SYT16: variants seen among roughly 807,000 people sequenced by gnomAD.
The protein encoded by SYT16 is synaptotagmin-16.
Under a neutral mutation model 61.4 loss-of-function variants are expected in SYT16, and 42 were observed. The ratio of observed to expected loss-of-function variants is 0.68; its 90% CI spans 0.53 to 0.89. SYT16 has a LOEUF of 0.89. Among genes scored for constraint, SYT16 ranks in the 40% least tolerant of loss-of-function variants. The pLI is 0.00. For synonymous variants in SYT16, 314 were observed against 302.3 expected, an observed-to-expected ratio of 1.04 and a Z score of -0.40; for missense variants, 804 against 807.3, an observed-to-expected ratio of 1.00 and a Z score of 0.05.
intron 1 of SYT16, among the ~76,000 whole-genome samples, chr14:61,825,691 C>T (rs2045751472): frequency 6.6e-6 from 1 of 151,994 alleles, no homozygotes; most frequent in Non-Finnish European, 1.5e-5. Context: ...TTAACAGCAA[C>T]AAAGACAACA....
At chr14:62,025,345 T>C (rs1057280035) in intron 3 of SYT16, among the ~76,000 whole-genome samples, 6 of 152,136 alleles carry the variant, frequency 3.9e-5, no homozygotes, top group African/African-American at 1.4e-4. Flanking sequence ...CCCTGAATGA[T>C]GTATGAGGGT....
intron 3 of SYT16, among the ~76,000 whole-genome samples, chr14:62,046,637 G>A (rs916740875): frequency 2.0e-5 from 3 of 152,170 alleles, no homozygotes; most frequent in African/African-American, 4.8e-5. Flanking sequence ...TATATAAGGT[G>A]TAAGGAAGGG....
chr14:62,102,060 G>A lies in SYT16; in HGVS notation c.*1353G>A, dbSNP rs1424767175. Reference sequence around the variant, plus strand: ...TGTACATTTAATCCCTGCGCTCAATGTGCAGCTCTTCTGAGCAATTGCTCA... The same window carrying A: ...TGTACATTTAATCCCTGCGCTCAATATGCAGCTCTTCTGAGCAATTGCTCA... On this transcript the variant is annotated 3_prime_UTR_variant, in exon 8 of 8. Transcript: ENST00000683842. 1 of 152,212 alleles carries A rather than the reference G, an allele frequency of 6.6e-6. No individual in the cohort carries two copies. Among genetic ancestry groups the A allele is most frequent in the Admixed American group, 6.5e-5 (1 of 15,290 alleles). 9.4% of individuals were successfully genotyped at this position (152,212 alleles called of 1,614,324 possible). A position where few individuals can be genotyped will look rare whatever the true frequency, so the allele number is the denominator to read the frequency against.
chr14:62,109,315 C>A lies in SYT16; in HGVS notation c.*8608C>A, dbSNP rs894779553. On this transcript the variant is annotated 3_prime_UTR_variant, in exon 8 of 8. Transcript: ENST00000683842. ...TTTTTTTTTTTCACTTAGGGATAGT[C>A]ATGTAAGTTTTCATGTCTTTTTATG... 34 of 149,566 alleles carry A rather than the reference C, an allele frequency of 2.3e-4. No individual in the cohort carries two copies. The highest frequency in any genetic ancestry group is 4.0e-4 in the Non-Finnish European group (27 of 67,596). 9.3% of individuals were successfully genotyped at this position (149,566 alleles called of 1,614,324 possible). A position where few individuals can be genotyped will look rare whatever the true frequency, so the allele number is the denominator to read the frequency against.
At chr14:62,040,791 G>A (rs959064745) in intron 3 of SYT16, among the ~76,000 whole-genome samples, 1 of 152,028 alleles carries the variant, frequency 6.6e-6, no homozygotes, top group Admixed American at 6.6e-5. Context: ...AGTACCAAGA[G>A]GTCCCATATA....
Position 62,067,323 on chromosome 14 carries a change from G to A in SYT16, c.524-2280G>A, listed in dbSNP as rs369179660. Among the ~76,000 whole-genome samples, 53 of 152,238 alleles carry A rather than the reference G, an allele frequency of 3.5e-4. No homozygotes were observed. In the East Asian group the frequency reaches 9.8e-3, roughly 28 times the overall value. On this transcript the variant is annotated intron_variant, in intron 3 of 7. Transcript: ENST00000683842. ...GGAGAACAGAGAACTAAAGCTTAGT[G>A]CTATGAAGGCAACTACTTAAGGGAG...
chr14:62,082,729 G>A (rs779980894), intron 6 of SYT16, among the ~76,000 whole-genome samples: 18 of 152,334 alleles, frequency 1.2e-4, no homozygotes, highest in African/African-American at 1.9e-4. Flanking sequence ...GGGATCCTGC[G>A]TGATAGAGCT....
At chr14:61,947,267 C>CGTGTGTGTGT (rs59798244) in intron 1 of SYT16, among the ~76,000 whole-genome samples, 6,520 of 125,726 alleles carry the variant, frequency 0.052, 222 homozygotes, top group Middle Eastern at 0.11. Flanking sequence ...TTTAGTCCTT[C>CGTGTGTGTGT]GTGTGTGTGT....
At chr14:61,853,999 C>T (rs1326549934) in intron 1 of SYT16, among the ~76,000 whole-genome samples, 1 of 152,130 alleles carries the variant, frequency 6.6e-6, no homozygotes, top group Non-Finnish European at 1.5e-5. Context: ...TACACGTAAT[C>T]TATGAACATC....
chr14:61,870,498 T>C (rs1489066833), intron 1 of SYT16, among the ~76,000 whole-genome samples: 2 of 152,134 alleles, frequency 1.3e-5, no homozygotes, highest in African/African-American at 4.8e-5. Flanking sequence ...CTTGGATATG[T>C]AGGTTTATAA....
At chr14:62,092,645 A>G (rs144923539) in intron 7 of SYT16, among the ~76,000 whole-genome samples, 2 of 152,044 alleles carry the variant, frequency 1.3e-5, no homozygotes, top group Non-Finnish European at 2.9e-5. Flanking sequence ...CAAACACTGT[A>G]TGATTCCACT....
At chr14:62,051,578 A>G (rs144840379) in intron 3 of SYT16, among the ~76,000 whole-genome samples, 35 of 152,350 alleles carry the variant, frequency 2.3e-4, no homozygotes, top group Non-Finnish European at 4.1e-4. Context: ...TAGGAGCTGT[A>G]TACTAGAGCT....
chr14:62,045,277 A>C (rs1325124744), intron 3 of SYT16, among the ~76,000 whole-genome samples: 1 of 152,178 alleles, frequency 6.6e-6, no homozygotes, highest in African/African-American at 2.4e-5. Flanking sequence ...TCATATAATT[A>C]TATGGGAAGT....
chr14:62,042,276 T>C (rs189383549), intron 3 of SYT16, among the ~76,000 whole-genome samples: 6 of 152,250 alleles, frequency 3.9e-5, no homozygotes, highest in African/African-American at 1.4e-4. Context: ...GTGCTAGGAT[T>C]ATAGGTGTGA....
intron 1 of SYT16, among the ~76,000 whole-genome samples, chr14:61,831,138 C>G (rs1218546535): frequency 6.6e-6 from 1 of 152,184 alleles, no homozygotes; most frequent in East Asian, 1.9e-4. Flanking sequence ...TCACTGACAT[C>G]TAGCCAGGGA....
In SYT16 at chr14:61,993,384, C is replaced by T. The variant is rs572432663; in HGVS notation, c.-144-2492C>T. Among the ~76,000 whole-genome samples the T allele has an allele frequency of 7.2e-5, 11 of 151,922 alleles. No individual in the cohort carries two copies. The South Asian group carries it at 2.3e-3, about 32-fold the overall frequency. On this transcript the variant is annotated intron_variant, in intron 2 of 7. Transcript: ENST00000683842. ...CCATGGCACATGTATACCTATGTAACAAACCTGCACGTCTGCACATGTATC... is the reference window on the plus strand; with the variant it reads ...CCATGGCACATGTATACCTATGTAATAAACCTGCACGTCTGCACATGTATC...
At position 62,111,171 on chromosome 14, in the gene SYT16, G is replaced by A. The variant is rs925918948; in HGVS notation, c.*10464G>A. The A allele has an allele frequency of 6.6e-6, 1 of 151,938 alleles. No individual in the cohort carries two copies. Among genetic ancestry groups the A allele is most frequent in the Admixed American group, 6.6e-5 (1 of 15,246 alleles). 9.4% of individuals were successfully genotyped at this position (151,938 alleles called of 1,614,324 possible). On this transcript the variant is annotated 3_prime_UTR_variant, in exon 8 of 8. Transcript: ENST00000683842. ...TTATGTTTCACCATATGCATACTGT[G>A]TACAGCTCTGTTGTTCTAAAATATT...
intron 1 of SYT16, among the ~76,000 whole-genome samples, chr14:61,914,990 T>C (rs770195474): frequency 5.3e-5 from 8 of 152,164 alleles, no homozygotes; most frequent in Non-Finnish European, 1.0e-4. Flanking sequence ...CTCCTCCAAC[T>C]CTTCCCTTAT....
intron 1 of SYT16, among the ~76,000 whole-genome samples, chr14:61,960,795 CT>C (rs1226305249): frequency 6.6e-6 from 1 of 152,120 alleles, no homozygotes; most frequent in Admixed American, 6.6e-5. Flanking sequence ...AAGGGGAATG[CT>C]TCCAGGTTTT....
Sources: allele counts gnomAD v4.1 joint callset (sites outside exome capture counted in the v4.1 genomes callset), GRCh38; gene constraint gnomAD v4.1.1; transcripts MANE v1.5; gene names NCBI Gene and HGNC (gene_info 2026-07-23, HGNC 2026-07-21).